Variants in TTC28 observed in about 807,000 individuals in gnomAD.
TTC28 encodes tetratricopeptide repeat domain 28.
A neutral mutation model predicts 198.0 loss-of-function variants in TTC28; 61 were observed. That is an observed-to-expected ratio of 0.31 (90% CI 0.25 to 0.38). The LOEUF is 0.38. Among genes scored for constraint, TTC28 ranks in the 10% least tolerant of loss-of-function variants. The probability of loss-of-function intolerance (pLI) is 1.00; values close to 1 mark genes in which losing one functional copy is unlikely to be tolerated. For synonymous variants in TTC28, 1,171 were observed against 1,297.8 expected (o/e 0.90, Z 2.10); for missense variants, 2,678 against 3,164.0 (o/e 0.85, Z 3.69).
intron 2 of TTC28, among the ~76,000 whole-genome samples, chr22:28,310,203 G>A (rs1170499372): frequency 3.3e-5 from 5 of 150,664 alleles, no homozygotes; most frequent in Non-Finnish European, 7.4e-5. Context: ...CCCTCAAGGT[G>A]CTCACAGTCA....
intron 2 of TTC28, among the ~76,000 whole-genome samples, chr22:28,616,087 A>C (rs191020191): frequency 6.6e-6 from 1 of 152,352 alleles, no homozygotes; most frequent in Non-Finnish European, 1.5e-5. Context: ...TATCGGTGTT[A>C]GAACTTGAAA....
Position 28,630,517 on chromosome 22 carries a change from T to C in TTC28, c.103-687A>G, listed in dbSNP as rs192055862. Among the ~76,000 whole-genome samples, 305 of 152,318 alleles carry C rather than the reference T, an allele frequency of 2.0e-3. 2 individuals carry two copies. Among genetic ancestry groups the C allele is most frequent in the African/African-American group, 6.4e-3 (264 of 41,574 alleles). On this transcript the variant is annotated intron_variant, in intron 1 of 22. Coordinates refer to ENST00000397906, the MANE Select transcript of TTC28 (RefSeq NM_001145418.2). ...TTTTTGTAGAGACAGGATTTCACTATGTTGCCCAGGTTGATTTTGAACTAC... is the reference window on the plus strand; with the variant it reads ...TTTTTGTAGAGACAGGATTTCACTACGTTGCCCAGGTTGATTTTGAACTAC...
intron 5 of TTC28, among the ~76,000 whole-genome samples, chr22:28,270,874 A>G (rs1266710253): frequency 1.3e-5 from 2 of 152,166 alleles, no homozygotes; most frequent in African/African-American, 4.8e-5. Flanking sequence ...GCCTCAAAAA[A>G]CAAACAAACA....
chr22:28,415,197 G>A (rs1235485137), intron 2 of TTC28, among the ~76,000 whole-genome samples: 1 of 152,020 alleles, frequency 6.6e-6, no homozygotes, highest in Non-Finnish European at 1.5e-5. Flanking sequence ...TGGGGTCTGA[G>A]TTTAACAAAA....
intron 2 of TTC28, among the ~76,000 whole-genome samples, chr22:28,312,827 C>T (rs2045287657): frequency 6.6e-6 from 1 of 152,132 alleles, no homozygotes; most frequent in East Asian, 1.9e-4. Flanking sequence ...CAAACACATT[C>T]AAAAACTAGC....
At chr22:28,523,702 T>C (rs150233575) in intron 2 of TTC28, among the ~76,000 whole-genome samples, 1 of 152,208 alleles carries the variant, frequency 6.6e-6, no homozygotes, top group East Asian at 1.9e-4. Flanking sequence ...TATTTTTTCA[T>C]GCACACACAG....
At chr22:28,290,464 A>G (rs1476596768) in intron 5 of TTC28, among the ~76,000 whole-genome samples, 5 of 152,328 alleles carry the variant, frequency 3.3e-5, no homozygotes, top group Non-Finnish European at 7.3e-5. Context: ...AAGAACAGAG[A>G]TGTACAAAAT....
At chr22:28,035,611 G>A (rs528354635) in intron 12 of TTC28, among the ~76,000 whole-genome samples, 15 of 152,248 alleles carry the variant, frequency 9.9e-5, no homozygotes, top group South Asian at 4.2e-4. Flanking sequence ...TGCATGGGCC[G>A]GTCTGCCAAT....
rs576680387 is a variant in TTC28, at chr22:28,534,491, G to T, written c.381+95061C>A. On this transcript the variant is annotated intron_variant, in intron 2 of 22. Transcript: ENST00000397906. ...GACTGTAAACTAGTTCAACCATTGT[G>T]GAAGACAGTGTGGCGATTCCTCAAG... Among the ~76,000 whole-genome samples, 5 of 152,318 alleles carry T rather than the reference G, an allele frequency of 3.3e-5. No individual in the cohort carries two copies. The South Asian group carries it at 1.0e-3, about 32-fold the overall frequency.
chr22:28,332,400 T>A (rs894446680), intron 2 of TTC28, among the ~76,000 whole-genome samples: 7 of 152,080 alleles, frequency 4.6e-5, no homozygotes, highest in African/African-American at 1.4e-4. Flanking sequence ...ATTTCTCACA[T>A]TAAAAGCCCT....
chr22:28,170,701 G>A (rs1301700680), intron 5 of TTC28, among the ~76,000 whole-genome samples: 4 of 152,060 alleles, frequency 2.6e-5, no homozygotes, highest in African/African-American at 4.8e-5. Flanking sequence ...CACTGGAGAG[G>A]GTCCTGCTCT....
chr22:28,074,389 T>C (rs891775137), intron 12 of TTC28, among the ~76,000 whole-genome samples: 4 of 152,200 alleles, frequency 2.6e-5, no homozygotes, highest in Non-Finnish European at 5.9e-5. Flanking sequence ...AAGGACTGAA[T>C]GTCTGAATTA....
intron 6 of TTC28, among the ~76,000 whole-genome samples, chr22:28,161,158 C>T (rs1921129911): frequency 6.6e-6 from 1 of 152,090 alleles, no homozygotes; most frequent in South Asian, 2.1e-4. Flanking sequence ...TAAAAGTGAA[C>T]ATAATACATA....
intron 2 of TTC28, among the ~76,000 whole-genome samples, chr22:28,603,334 C>T (rs185190742): frequency 6.6e-6 from 1 of 151,784 alleles, no homozygotes; most frequent in Non-Finnish European, 1.5e-5. Flanking sequence ...AAGGTAATAA[C>T]ATAAACATTC....
intron 1 of TTC28, among the ~76,000 whole-genome samples, chr22:28,653,880 C>T (rs1216507575): frequency 6.6e-6 from 1 of 152,204 alleles, no homozygotes; most frequent in East Asian, 1.9e-4. Flanking sequence ...ATTATTTCCT[C>T]TCTTACATGT....
rs765388614 is a variant in TTC28 at position 28,094,096 on chromosome 22, C to G, written c.3916G>C (p.Glu1306Gln). The change falls in exon 12 of 23, where the codon GAG (glutamate) becomes CAG (glutamine). Residue 1306 changes from glutamate (E) to glutamine (Q), a missense_variant. By Grantham distance (29) the Glu-to-Gln change is conservative (BLOSUM62 2). This residue lies in a region of TTC28 where 727 missense variants were observed against 861.9 expected (regional missense o/e 0.84). Coordinates refer to ENST00000397906, the MANE Select transcript of TTC28 (RefSeq NM_001145418.2). ...ACTACCTACCTTGAGTAGTGAGACT[C>G]CACCCCCAGGGCCTCCCGGACACTG... ...IASVREALGVESHYSRACASS... is the reference protein window; with the variant it reads ...IASVREALGVQSHYSRACASS... The G allele has an allele frequency of 1.3e-6, 2 of 1,547,924 alleles. No homozygotes were observed. The highest frequency in any genetic ancestry group is 2.4e-5 in the South Asian group (2 of 83,258).
chr22:28,062,933 A>G (rs1940608865), intron 12 of TTC28, among the ~76,000 whole-genome samples: 1 of 152,160 alleles, frequency 6.6e-6, no homozygotes, highest in Admixed American at 6.6e-5. Flanking sequence ...AATGAATCAC[A>G]TTTTCCTGGT....
intron 5 of TTC28, among the ~76,000 whole-genome samples, chr22:28,170,919 C>T (rs1309485391): frequency 1.3e-5 from 2 of 152,060 alleles, no homozygotes; most frequent in Admixed American, 6.6e-5. Context: ...CTTCTAACCC[C>T]AGCCTCTCTG....
chr22:27,992,480 G>A (rs147220287), intron 19 of TTC28, 107 bp downstream of exon 19: 692 of 1,138,632 alleles, frequency 6.1e-4, no homozygotes, highest in Middle Eastern at 5.2e-3. Flanking sequence ...TCACAAAGGC[G>A]GTGAGACTGC....
Sources: gnomAD v4.1 joint callset for allele counts (sites outside exome capture counted in the v4.1 genomes callset) on GRCh38, gnomAD v4.1.1 for gene constraint, gnomAD v4.1.1 regional missense constraint, MANE v1.5 for transcripts, NCBI Gene and HGNC (gene_info 2026-07-23, HGNC 2026-07-21) for gene names.